Variants in LY96 observed in about 807,000 individuals in gnomAD.
LY96 encodes lymphocyte antigen 96, also known as myeloid differentiation protein-2.
In LY96, 18 loss-of-function variants were observed where a neutral mutation model predicts 18.9. The ratio of observed to expected loss-of-function variants is 0.95; its 90% CI spans 0.66 to 1.41. LY96 has a LOEUF of 1.41. Among genes scored for constraint, LY96 ranks in the 40% most tolerant of loss-of-function variants. The pLI, the probability that LY96 is intolerant of heterozygous loss-of-function variation, is 0.00. For synonymous variants in LY96, 66 were observed against 62.6 expected (o/e 1.06, Z -0.26); for missense variants, 175 against 182.4 (o/e 0.96, Z 0.23).
chr8:74,093,609 T>A, the LY96 span, among the ~76,000 whole-genome samples: 1 of 152,096 alleles, frequency 6.6e-6, no homozygotes, highest in South Asian at 2.1e-4. Context: ...GTTTTTAGAG[T>A]GAGGCAATGG....
chr8:74,049,646 G>A, the LY96 span, among the ~76,000 whole-genome samples: 7 of 152,176 alleles, frequency 4.6e-5, no homozygotes, highest in African/African-American at 1.7e-4. Context: ...GAGTGAAATA[G>A]ATACTTGAAT....
the LY96 span, among the ~76,000 whole-genome samples, chr8:74,098,346 A>G: frequency 2.6e-4 from 39 of 152,282 alleles, no homozygotes; most frequent in Middle Eastern, 0.031. Context: ...TCCGAATTAA[A>G]AAAAATCTCA....
chr8:74,003,430 A>G (rs1816341607), intron 1 of LY96, among the ~76,000 whole-genome samples: 1 of 152,208 alleles, frequency 6.6e-6, no homozygotes, highest in African/African-American at 2.4e-5. Flanking sequence ...ATAACTCAGG[A>G]CTATACATGA....
At chr8:74,083,458 C>A in the LY96 span, among the ~76,000 whole-genome samples, 6 of 152,328 alleles carry the variant, frequency 3.9e-5, no homozygotes, top group Non-Finnish European at 8.8e-5. Context: ...TTGTGATCCA[C>A]CTGCCTTGGC....
the LY96 span, among the ~76,000 whole-genome samples, chr8:74,085,110 T>TTATTATTATTA: frequency 5.3e-5 from 8 of 152,350 alleles, no homozygotes; most frequent in African/African-American, 1.9e-4. Context: ...GCAGCTACTA[T>TTATTATTATTA]TATATGCCAG....
At chr8:74,036,047 T>C in the LY96 span, among the ~76,000 whole-genome samples, 2 of 152,168 alleles carry the variant, frequency 1.3e-5, no homozygotes, top group Non-Finnish European at 2.9e-5. Context: ...AAATAAACTT[T>C]CGAAATTGAG....
rs143589266 is a variant in LY96, at chr8:74,008,467, G to A, written c.203-1534G>A. Among the ~76,000 whole-genome samples the A allele has an allele frequency of 1.8e-3, 277 of 152,334 alleles. 1 individual carries two copies. The highest frequency in any genetic ancestry group is 2.5e-3 in the Non-Finnish European group (167 of 68,038). On this transcript the variant is annotated intron_variant, in intron 2 of 4. Coordinates refer to ENST00000284818, the MANE Select transcript of LY96 (RefSeq NM_015364.5). ...GATCACTGTTTGAAACAGACGCCAT[G>A]ATATTCTTCTCCACACCCTACCCTG...
At chr8:74,015,397 C>A (rs1395291651) in intron 3 of LY96, among the ~76,000 whole-genome samples, 2 of 152,140 alleles carry the variant, frequency 1.3e-5, no homozygotes, top group African/African-American at 4.8e-5. Context: ...CTGTTCCAGG[C>A]CTCTCTCCTA....
chr8:74,002,171 C>G lies in LY96; in HGVS notation c.113-2625C>G, dbSNP rs188116584. Among the ~76,000 whole-genome samples, 561 of 147,552 alleles carry G rather than the reference C, an allele frequency of 3.8e-3. 3 individuals are homozygous for G. Among genetic ancestry groups the G allele is most frequent in the Non-Finnish European group, 6.5e-3 (434 of 67,200 alleles). ...TTTCTTTTTGAGACAGAGTCTTGCT[C>G]TTTTATCCAGGCTGGAGTGCAGTGG... On this transcript the variant is annotated intron_variant, in intron 1 of 4. Transcript: ENST00000284818.
the LY96 span, among the ~76,000 whole-genome samples, chr8:74,083,826 G>T: frequency 3.3e-5 from 5 of 151,752 alleles, no homozygotes; most frequent in Non-Finnish European, 7.4e-5. Context: ...TGAGTAGCTG[G>T]GACCACAGGC....
chr8:74,010,127 G>C lies in LY96; in HGVS notation c.329G>C (p.Gly110Ala), dbSNP rs774726087. ...TACTCTTTTTGCAGAGCTCTGAAGG[G>C]AGGTAAGTATTCAGTTCATATTACT... ...DDYSFCRALKGETVNTTISFS... is the reference protein window; with the variant it reads ...DDYSFCRALKAETVNTTISFS... Residue 110 changes from glycine to alanine, a missense_variant and splice_region_variant, in exon 3 of 5, where the codon GGA becomes GCA. Transcript: ENST00000284818. 1.9e-6 allele frequency: 3 copies of C among 1,612,234 alleles called. No homozygotes were observed. The highest frequency in any genetic ancestry group is 2.5e-6 in the Non-Finnish European group (3 of 1,178,642).
chr8:74,087,964 T>C, the LY96 span, among the ~76,000 whole-genome samples: 1 of 152,106 alleles, frequency 6.6e-6, no homozygotes, highest in Non-Finnish European at 1.5e-5. Context: ...ATCCTTCCTA[T>C]CCTTCAAGGA....
the LY96 span, among the ~76,000 whole-genome samples, chr8:74,051,344 T>A: frequency 6.6e-6 from 1 of 152,168 alleles, no homozygotes; most frequent in African/African-American, 2.4e-5. Flanking sequence ...AATTCATTTG[T>A]TTTGCTCTTG....
the LY96 span, among the ~76,000 whole-genome samples, chr8:74,055,608 A>C: frequency 1.3e-5 from 2 of 152,212 alleles, no homozygotes; most frequent in Non-Finnish European, 2.9e-5. Flanking sequence ...TGAATATGTT[A>C]TGCTACACAG....
chr8:74,091,472 A>G, the LY96 span, among the ~76,000 whole-genome samples: 2 of 152,316 alleles, frequency 1.3e-5, no homozygotes, highest in East Asian at 3.9e-4. Flanking sequence ...ACCTCACCCT[A>G]CAAGATGACT....
At chr8:74,012,808 T>C (rs1586654647) in intron 3 of LY96, among the ~76,000 whole-genome samples, 1 of 152,098 alleles carries the variant, frequency 6.6e-6, no homozygotes, top group African/African-American at 2.4e-5. Flanking sequence ...TTACATATAA[T>C]TTTTTTGTAA....
intron 1 of LY96, among the ~76,000 whole-genome samples, chr8:74,002,027 C>T (rs1301404438): frequency 2.3e-4 from 5 of 22,200 alleles, no homozygotes; most frequent in Admixed American, 5.5e-4. Context: ...TCCTTCCTTC[C>T]TTCCTTCCTT....
At position 73,995,577 on chromosome 8, in the gene LY96, C is replaced by T. The variant is rs117934802; in HGVS notation, c.112+4023C>T. 3.3e-3 allele frequency among the ~76,000 whole-genome samples: 496 copies of T among 152,250 alleles called. 4 individuals carry two copies. The highest frequency in any genetic ancestry group is 4.3e-3 in the Non-Finnish European group (292 of 68,014). Reference sequence around the variant, plus strand: ...GAGAGGAATGAGGACACATTTCTGTCGGTCCATAACATACAAAAATGGCAA... The same window carrying T: ...GAGAGGAATGAGGACACATTTCTGTTGGTCCATAACATACAAAAATGGCAA... On this transcript the variant is annotated intron_variant, in intron 1 of 4. Transcript: ENST00000284818.
At chr8:74,024,706 C>CA (rs1239987759) in intron 3 of LY96, among the ~76,000 whole-genome samples, 9 of 152,172 alleles carry the variant, frequency 5.9e-5, no homozygotes, top group African/African-American at 2.2e-4. Context: ...AGAGCCATCA[C>CA]TCTTACAAAG....
Sources: gnomAD v4.1 joint callset for allele counts (sites outside exome capture counted in the v4.1 genomes callset) on GRCh38, gnomAD v4.1.1 for gene constraint, MANE v1.5 for transcripts, NCBI Gene and HGNC (gene_info 2026-07-23, HGNC 2026-07-21) for gene names.